EIF3E: variants seen among roughly 807,000 people sequenced by gnomAD.
EIF3E encodes the protein eukaryotic translation initiation factor 3 subunit E, also known as eIF-3 p48.
Under a neutral mutation model 59.3 loss-of-function variants are expected in EIF3E, and 25 were observed. That is an observed-to-expected ratio of 0.42 (90% CI 0.31 to 0.59). EIF3E has a LOEUF of 0.59. Ranked by LOEUF, EIF3E falls within the 20% of genes least tolerant of loss-of-function variation. The probability of loss-of-function intolerance (pLI) is 0.15; values close to 1 mark genes in which losing one functional copy is unlikely to be tolerated. For synonymous variants in EIF3E, 176 were observed against 170.2 expected (o/e 1.03, Z -0.26); for missense variants, 317 against 534.3 (o/e 0.59, Z 4.01).
intron 10 of EIF3E, among the ~76,000 whole-genome samples, chr8:108,204,480 A>T (rs982956679): frequency 6.6e-6 from 1 of 152,028 alleles, no homozygotes; most frequent in African/African-American, 2.4e-5. Context: ...GTTCTCCTTT[A>T]TAAGTGGGAG....
Position 108,242,114 on chromosome 8 carries a change from A to G in EIF3E, c.91-201T>C, listed in dbSNP as rs371117953. On this transcript the variant is annotated intron_variant, in intron 1 of 12. Transcript: ENST00000220849. ...AGACGTAAAAGTATTTTACTTACCTAAAAATTTTAAAATGAAGAGAATTAC... is the reference window on the plus strand; with the variant it reads ...AGACGTAAAAGTATTTTACTTACCTGAAAATTTTAAAATGAAGAGAATTAC... The G allele has an allele frequency of 9.3e-5, 135 of 1,444,048 alleles. 1 individual carries two copies. In the East Asian group the frequency reaches 2.5e-3, roughly 26 times the overall value. The allele number at this position is 1,444,048 out of a possible 1,614,324, so 89.5% of individuals were successfully genotyped here. A position where few individuals can be genotyped will look rare whatever the true frequency, so the allele number is the denominator to read the frequency against.
chr8:108,221,857 A>G (rs926410126), intron 7 of EIF3E, among the ~76,000 whole-genome samples: 4 of 152,158 alleles, frequency 2.6e-5, no homozygotes, highest in Non-Finnish European at 5.9e-5. Flanking sequence ...AGTTATGAAC[A>G]CTAAAACTGA....
intron 7 of EIF3E, chr8:108,227,249 G>A (rs1183338163): frequency 6.6e-6 from 1 of 152,168 alleles, no homozygotes; most frequent in Non-Finnish European, 1.5e-5. Context: ...GCTTGAGCCT[G>A]GGAGGTAGAG....
chr8:108,225,657 C>A (rs930855977), intron 7 of EIF3E, among the ~76,000 whole-genome samples: 1 of 151,440 alleles, frequency 6.6e-6, no homozygotes, highest in Non-Finnish European at 1.5e-5. Flanking sequence ...TTTACTGTAT[C>A]TTCAAAAAAG....
chr8:108,212,724 C>T (rs548968744), intron 10 of EIF3E, among the ~76,000 whole-genome samples: 4 of 152,152 alleles, frequency 2.6e-5, no homozygotes, highest in South Asian at 2.1e-4. Flanking sequence ...ATCTCTTGAA[C>T]GCGAGAGGCA....
intron 5 of EIF3E, among the ~76,000 whole-genome samples, chr8:108,230,470 T>C (rs1808998297): frequency 6.6e-6 from 1 of 152,108 alleles, no homozygotes; most frequent in Non-Finnish European, 1.5e-5. Flanking sequence ...TACATTTACA[T>C]ACGTAAATTT....
rs542511364 is a variant in EIF3E, at chr8:108,241,997, T to C, written c.91-84A>G. ...ATACTAAAACTAATTTACCTGGAAATATATTTCAAGAAATACTTTATAAAA... is the reference window on the plus strand; with the variant it reads ...ATACTAAAACTAATTTACCTGGAAACATATTTCAAGAAATACTTTATAAAA... On this transcript the variant is annotated intron_variant, in intron 1 of 12. Transcript: ENST00000220849. 298 of 1,216,816 alleles carry C rather than the reference T, an allele frequency of 2.4e-4. 1 individual carries two copies. In the South Asian group the frequency reaches 4.3e-3, roughly 18 times the overall value. The allele number at this position is 1,216,816 out of a possible 1,614,324, so 75.4% of individuals were successfully genotyped here.
At chr8:108,203,580 C>T in intron 10 of EIF3E, 77 bp from the exon 11 acceptor site, 1 of 1,094,336 alleles carries the variant, frequency 9.1e-7, no homozygotes, top group East Asian at 2.4e-5. Context: ...TGTTGACTCA[C>T]ACTCTGCATA....
intron 10 of EIF3E, among the ~76,000 whole-genome samples, chr8:108,210,939 T>C (rs1298068758): frequency 6.6e-6 from 1 of 152,228 alleles, no homozygotes; most frequent in Non-Finnish European, 1.5e-5. Context: ...TCATTTTTTA[T>C]GGCTGCATAG....
chr8:108,224,345 T>C (rs889437805), intron 7 of EIF3E, among the ~76,000 whole-genome samples: 21 of 151,624 alleles, frequency 1.4e-4, no homozygotes, highest in Admixed American at 2.0e-4. Context: ...ACTTTTTTCA[T>C]AAATCTTAAA....
chr8:108,233,996 C>G (rs1563635398), intron 5 of EIF3E, among the ~76,000 whole-genome samples: 1 of 151,826 alleles, frequency 6.6e-6, no homozygotes, highest in African/African-American at 2.4e-5. Flanking sequence ...AAACAGAAGA[C>G]AGAGTGAGAA....
chr8:108,222,752 T>C (rs1427721295), intron 7 of EIF3E, among the ~76,000 whole-genome samples: 1 of 152,128 alleles, frequency 6.6e-6, no homozygotes, highest in Non-Finnish European at 1.5e-5. Flanking sequence ...GTATTACTTA[T>C]TATGTTACTC....
chr8:108,204,746 T>TATAG (rs1354950271), intron 10 of EIF3E, among the ~76,000 whole-genome samples: 186 of 113,674 alleles, frequency 1.6e-3, no homozygotes, highest in African/African-American at 2.5e-3. Flanking sequence ...TATATATATA[T>TATAG]AGAGAGAGAG....
chr8:108,217,861 A>G (rs1308127728), intron 7 of EIF3E, among the ~76,000 whole-genome samples: 1 of 152,236 alleles, frequency 6.6e-6, no homozygotes, highest in Non-Finnish European at 1.5e-5. Context: ...CTAATGAGAA[A>G]ATCAGCCACT....
chr8:108,217,225 A>G (rs1815320340), intron 8 of EIF3E, 109 bp downstream of exon 8: 2 of 883,394 alleles, frequency 2.3e-6, no homozygotes, highest in Admixed American at 6.4e-5. Flanking sequence ...CCTTCCACCT[A>G]TTTTTAAAAA....
intron 9 of EIF3E, among the ~76,000 whole-genome samples, chr8:108,215,085 A>AT (rs1283162625): frequency 3.9e-5 from 6 of 152,290 alleles, no homozygotes; most frequent in Non-Finnish European, 7.4e-5. Context: ...TAGACTTAGA[A>AT]ATTAGAAGGA....
intron 9 of EIF3E, among the ~76,000 whole-genome samples, chr8:108,215,432 C>T (rs1389619027): frequency 6.6e-6 from 1 of 151,986 alleles, no homozygotes; most frequent in Non-Finnish European, 1.5e-5. Flanking sequence ...TCCTGGCTAA[C>T]ATGGTGAAAC....
chr8:108,214,522 A>C (rs1815267438), intron 10 of EIF3E, 85 bp downstream of exon 10: 1 of 946,026 alleles, frequency 1.1e-6, no homozygotes, highest in South Asian at 2.2e-5. Flanking sequence ...ATTAACTGGA[A>C]TTCTATTAAG....
intron 10 of EIF3E, among the ~76,000 whole-genome samples, chr8:108,209,330 A>T (rs1056581271): frequency 1.3e-5 from 2 of 152,080 alleles, no homozygotes; most frequent in Non-Finnish European, 2.9e-5. Context: ...TTTGGGGCTT[A>T]AAGATATTTC....
Sources: gnomAD v4.1 joint callset for allele counts (sites outside exome capture counted in the v4.1 genomes callset) on GRCh38, gnomAD v4.1.1 for gene constraint, MANE v1.5 for transcripts, NCBI Gene and HGNC (gene_info 2026-07-23, HGNC 2026-07-21) for gene names.